The following TOP1MT variants were observed in gnomAD, a reference collection of about 807,000 sequenced individuals.
TOP1MT encodes DNA topoisomerase I, mitochondrial.
A neutral mutation model predicts 73.9 loss-of-function variants in TOP1MT; 80 were observed. The observed-to-expected ratio is 1.08, with a 90% CI of 0.90 to 1.30. The LOEUF (loss-of-function observed/expected upper bound fraction) is 1.30, where lower values mean the gene tolerates loss of function less well. Ranked by LOEUF, TOP1MT falls within the 50% of genes most tolerant of loss-of-function variation. TOP1MT has a pLI of 0.00. For missense variants in TOP1MT, 815 were observed against 808.0 expected, an observed-to-expected ratio of 1.01 and a Z score of -0.10; for synonymous variants, 338 against 326.4, an observed-to-expected ratio of 1.04 and a Z score of -0.38.
At chr8:143,323,098 AAC>A (rs1320264286) in intron 7 of TOP1MT, among the ~76,000 whole-genome samples, 5 of 79,782 alleles carry the variant, frequency 6.3e-5, no homozygotes, top group East Asian at 4.2e-4. Context: ...AGGCATGCCA[AAC>A]ACGCACGCCA....
rs748359888 is a variant in TOP1MT at position 143,342,776 on chromosome 8, C to CTATTATTATTATTATTAT, written c.29+426_29+443dup. Among the ~76,000 whole-genome samples the CTATTATTATTATTATTAT allele has an allele frequency of 9.4e-3, 743 of 78,734 alleles. 23 individuals carry two copies. Among genetic ancestry groups the CTATTATTATTATTATTAT allele is most frequent in the Admixed American group, 0.021 (145 of 6,934 alleles). The allele number at this position is 78,734 out of a possible 152,430, so 51.7% of individuals were successfully genotyped here. On this transcript the variant is annotated intron_variant, in intron 2 of 5. Transcript: ENST00000518007. ...TTATTATTAGAGACAGAGTCTTGCT[C>CTATTATTATTATTATTAT]TATTATTATTATTATTATTATTATT...
At chr8:143,326,978 G>A (rs961440705) in intron 3 of TOP1MT, among the ~76,000 whole-genome samples, 2 of 152,172 alleles carry the variant, frequency 1.3e-5, no homozygotes, top group Admixed American at 6.5e-5. Flanking sequence ...ACACAGTGGA[G>A]GGGACAGAAG....
In TOP1MT at chr8:143,334,708, G is replaced by A. The variant is rs771683746; in HGVS notation, c.122+32C>T. On this transcript the variant is annotated intron_variant, in intron 1 of 13. Transcript: ENST00000329245. The stretch of plus-strand genomic sequence containing the variant: ...GACCTACCCAAGCCCGGTGCTCAGG[G>A]CCCTCGCCGCCTGCTCACTGGGACA... 7.5e-6 allele frequency: 12 copies of A among 1,596,792 alleles called. No individual in the cohort carries two copies. The Admixed American group carries it at 1.5e-4, about 20-fold the overall frequency.
chr8:143,332,182 G>A (rs757375362), intron 1 of TOP1MT, among the ~76,000 whole-genome samples: 3 of 152,228 alleles, frequency 2.0e-5, no homozygotes, highest in Non-Finnish European at 2.9e-5. Flanking sequence ...CCAGCACTGC[G>A]CTGGGTCCTG....
chr8:143,335,090 G>T (rs1458613744), upstream of TOP1MT, among the ~76,000 whole-genome samples: 1 of 152,248 alleles, frequency 6.6e-6, no homozygotes, highest in Non-Finnish European at 1.5e-5. Context: ...CCTTCACGCT[G>T]GGCGGGGACC....
chr8:143,322,631 CACA>C (rs1816496690), intron 7 of TOP1MT, among the ~76,000 whole-genome samples: 1 of 37,708 alleles, frequency 2.7e-5, no homozygotes, highest in African/African-American at 2.3e-4. Context: ...ACAGGCACGT[CACA>C]CACACACGCC....
chr8:143,329,718 C>T (rs1816803670), intron 2 of TOP1MT, among the ~76,000 whole-genome samples: 1 of 152,172 alleles, frequency 6.6e-6, no homozygotes, highest in Admixed American at 6.5e-5. Context: ...GGCGCTACTG[C>T]TTTCTCCTCC....
At chr8:143,346,364 C>T (rs1817220544), upstream of TOP1MT, among the ~76,000 whole-genome samples, 1 of 152,260 alleles carries the variant, frequency 6.6e-6, no homozygotes, top group African/African-American at 2.4e-5. Context: ...GATATTGAGA[C>T]ACCCAGAAAC....
rs529480322 is a variant in TOP1MT at position 143,323,493 on chromosome 8, T to C, written c.960+506A>G. Among the ~76,000 whole-genome samples the C allele has an allele frequency of 2.1e-4, 11 of 52,800 alleles. 2 individuals carry two copies. The highest frequency in any genetic ancestry group is 1.2e-3 in the African/African-American group (11 of 8,812). The allele number at this position is 52,800 out of a possible 152,430, so 34.6% of individuals were successfully genotyped here. On this transcript the variant is annotated intron_variant, in intron 7 of 13. Coordinates refer to ENST00000329245, the MANE Select transcript of TOP1MT (RefSeq NM_052963.3). ...TCACCACACACGCACGCCACACACA[T>C]GCACGCCACACAGGCACGCCACACA...
chr8:143,314,339 T>C (rs892275980), intron 12 of TOP1MT, among the ~76,000 whole-genome samples: 1 of 152,186 alleles, frequency 6.6e-6, no homozygotes, highest in African/African-American at 2.4e-5. Context: ...GGCTCATGCC[T>C]GTAATCCCAG....
At chr8:143,324,230 G>A (rs1175896787) in intron 6 of TOP1MT, 88 bp from the exon 7 acceptor site, 9 of 1,550,826 alleles carry the variant, frequency 5.8e-6, no homozygotes, top group East Asian at 2.3e-5. Flanking sequence ...CCCAAACCTC[G>A]TGCTTCTCCA....
At chr8:143,326,056 G>A (rs1201233254) in intron 4 of TOP1MT, among the ~76,000 whole-genome samples, 166 bp downstream of exon 4, 4 of 152,198 alleles carry the variant, frequency 2.6e-5, no homozygotes, top group Non-Finnish European at 5.9e-5. Context: ...CTGGGGAAGC[G>A]GAACGACACT....
chr8:143,314,358 G>A (rs1816094485), intron 12 of TOP1MT, among the ~76,000 whole-genome samples: 1 of 152,172 alleles, frequency 6.6e-6, no homozygotes, highest in Non-Finnish European at 1.5e-5. Flanking sequence ...AGCACTTTGA[G>A]ATGCCAAGGC....
At chr8:143,310,697 C>T (rs1815988350) in intron 12 of TOP1MT, among the ~76,000 whole-genome samples, 1 of 152,252 alleles carries the variant, frequency 6.6e-6, no homozygotes, top group Admixed American at 6.5e-5. Flanking sequence ...CTGACCCCAA[C>T]TCTTCTAGGA....
rs764076775 is a variant in TOP1MT, at chr8:143,316,035, A to G, written c.1422T>C (p.Ser474=). The G allele has an allele frequency of 6.2e-7, 1 of 1,614,128 alleles. No individual in the cohort carries two copies. Among genetic ancestry groups the G allele is most frequent in the Non-Finnish European group, 8.5e-7 (1 of 1,179,984 alleles). The part of the protein sequence containing the change: ...ILCNHQRATP[S]TFEKSMQNLQ... ...GATTCTGCATCGACTTCTCGAACGT[A>G]CTGGGGGTTGCTCGCTGATGGTTGC... The change falls in exon 11 of 14, where the codon AGT becomes AGC. Residue 474 remains serine (S), a synonymous_variant. Coordinates refer to ENST00000329245, the MANE Select transcript of TOP1MT (RefSeq NM_052963.3).
At chr8:143,315,654 G>T (rs980056926) in intron 12 of TOP1MT, 73 bp downstream of exon 12, 5 of 1,189,370 alleles carry the variant, frequency 4.2e-6, no homozygotes, top group African/African-American at 1.5e-5. Flanking sequence ...GTCTCCCACC[G>T]ACCCTGTGGG....
At chr8:143,322,666 G>GCCACACACGCACA (rs1816504553) in intron 7 of TOP1MT, among the ~76,000 whole-genome samples, 1 of 72,502 alleles carries the variant, frequency 1.4e-5, no homozygotes, top group Non-Finnish European at 2.5e-5. Flanking sequence ...ACACACGCAC[G>GCCACACACGCACA]CCACACACGC....
chr8:143,337,556 G>A (rs1402464065), upstream of TOP1MT, among the ~76,000 whole-genome samples: 1 of 152,140 alleles, frequency 6.6e-6, no homozygotes, highest in Non-Finnish European at 1.5e-5. Context: ...AACAATGTTT[G>A]AAAAAGAATA....
upstream of TOP1MT, among the ~76,000 whole-genome samples, chr8:143,338,147 C>T (rs1272294219): frequency 1.3e-5 from 2 of 152,138 alleles, no homozygotes; most frequent in Admixed American, 6.5e-5. Context: ...TGTCCTGCTA[C>T]AGTAGTCCTA....
Sources: allele counts gnomAD v4.1 joint callset (sites outside exome capture counted in the v4.1 genomes callset), GRCh38; gene constraint gnomAD v4.1.1; transcripts MANE v1.5; gene names NCBI Gene and HGNC (gene_info 2026-07-23, HGNC 2026-07-21).